The following FMNL2 variants were observed in gnomAD, a reference collection of about 807,000 sequenced individuals.
The protein encoded by FMNL2 is formin like 2.
A neutral mutation model predicts 130.2 loss-of-function variants in FMNL2; 51 were observed. The observed-to-expected ratio is 0.39, with a 90% confidence interval of 0.31 to 0.49. The LOEUF is 0.49. Among genes scored for constraint, FMNL2 ranks in the 20% least tolerant of loss-of-function variants. The pLI is 0.85. For missense variants in FMNL2, 977 were observed against 1,316.2 expected (o/e 0.74, Z 3.99); for synonymous variants, 465 against 467.1 (o/e 1.00, Z 0.06).
intron 1 of FMNL2, among the ~76,000 whole-genome samples, chr2:152,387,911 A>C (rs1406393660): frequency 1.3e-5 from 2 of 151,522 alleles, no homozygotes; most frequent in African/African-American, 2.4e-5. Flanking sequence ...GACTCAACCT[A>C]CCGAAGCACT....
At chr2:152,516,009 GC>G (rs1452970540) in intron 1 of FMNL2, among the ~76,000 whole-genome samples, 16 of 152,074 alleles carry the variant, frequency 1.1e-4, no homozygotes, top group Non-Finnish European at 1.6e-4. Flanking sequence ...TAATTCCAGA[GC>G]CCAACTAGCA....
In FMNL2 at chr2:152,576,832, G is replaced by A. The variant is rs554553393; in HGVS notation, c.705+1588G>A. Among the ~76,000 whole-genome samples, 5 of 152,292 alleles carry A rather than the reference G, an allele frequency of 3.3e-5. No individual in the cohort carries two copies. In the East Asian group the frequency reaches 7.7e-4, roughly 24 times the overall value. The stretch of plus-strand genomic sequence containing the variant: ...ACCCTGAGGCAGGAATGTCTGGTTT[G>A]CCCAAGGCACAGAAAGGAGGCTTGG... On this transcript the variant is annotated intron_variant, in intron 7 of 25. Transcript: ENST00000288670.
At chr2:152,544,969 T>A (rs749332736) in intron 3 of FMNL2, among the ~76,000 whole-genome samples, 3 of 152,206 alleles carry the variant, frequency 2.0e-5, no homozygotes, top group Non-Finnish European at 4.4e-5. Context: ...GGACATAAGA[T>A]GTCTGTTTGG....
At chr2:152,480,634 A>T (rs888456906) in intron 1 of FMNL2, among the ~76,000 whole-genome samples, 2 of 33,508 alleles carry the variant, frequency 6.0e-5, no homozygotes, top group Non-Finnish European at 8.8e-5. Context: ...GACTCTGTCT[A>T]AAAAAAAAAA....
intron 1 of FMNL2, among the ~76,000 whole-genome samples, chr2:152,478,827 C>A (rs900152370): frequency 1.3e-5 from 2 of 151,918 alleles, no homozygotes; most frequent in African/African-American, 4.8e-5. Context: ...TACTAAAAAG[C>A]TTATATGGAT....
Position 152,637,675 on chromosome 2 carries a change from G to A in FMNL2, c.2946+1G>A. Reference sequence around the variant, plus strand: ...TGTCCGGTTTGTGAAAGCATATAAGGTATATGTTAAGGCCCTCCTTGCCCT... The same window carrying A: ...TGTCCGGTTTGTGAAAGCATATAAGATATATGTTAAGGCCCTCCTTGCCCT... On this transcript the variant is annotated splice_donor_variant, in intron 23 of 25. Coordinates refer to ENST00000288670, the MANE Select transcript of FMNL2 (RefSeq NM_052905.4). LOFTEE classifies it high-confidence loss of function. 6.2e-7 allele frequency: 1 copy of A among 1,613,478 alleles called. No individual in the cohort carries two copies. Among genetic ancestry groups the A allele is most frequent in the Non-Finnish European group, 8.5e-7 (1 of 1,179,460 alleles).
chr2:152,578,230 A>G (rs975343902), intron 7 of FMNL2, among the ~76,000 whole-genome samples: 1 of 152,168 alleles, frequency 6.6e-6, no homozygotes, highest in African/African-American at 2.4e-5. Context: ...TTGAGGAGAA[A>G]GAATATAGTT....
chr2:152,572,736 C>T (rs1696243607), intron 6 of FMNL2, among the ~76,000 whole-genome samples: 1 of 151,820 alleles, frequency 6.6e-6, no homozygotes, highest in Admixed American at 6.6e-5. Context: ...AAGTGAGACC[C>T]TTGTCTCCAA....
At chr2:152,357,752 G>A (rs900098610) in intron 1 of FMNL2, among the ~76,000 whole-genome samples, 4 of 152,194 alleles carry the variant, frequency 2.6e-5, no homozygotes, top group Non-Finnish European at 5.9e-5. Context: ...GTATTGATCA[G>A]TTGACAAAAA....
intron 1 of FMNL2, among the ~76,000 whole-genome samples, chr2:152,361,368 G>A (rs1683166092): frequency 6.6e-6 from 1 of 152,110 alleles, no homozygotes; most frequent in Admixed American, 6.5e-5. Context: ...GCCTTTTGGG[G>A]TGTGTGTTCT....
intron 4 of FMNL2, among the ~76,000 whole-genome samples, chr2:152,551,923 C>G (rs1289692219): frequency 3.3e-5 from 5 of 152,158 alleles, no homozygotes; most frequent in Admixed American, 2.6e-4. Flanking sequence ...GCAGAAGGAT[C>G]AATTGAGCCC....
chr2:152,559,047 G>A (rs1695384009), intron 5 of FMNL2, among the ~76,000 whole-genome samples: 1 of 152,156 alleles, frequency 6.6e-6, no homozygotes, highest in African/African-American at 2.4e-5. Context: ...CACTCTTAAA[G>A]GAGCCCTTAT....
intron 1 of FMNL2, among the ~76,000 whole-genome samples, chr2:152,412,706 G>A (rs1051699757): frequency 2.0e-5 from 3 of 151,736 alleles, no homozygotes; most frequent in African/African-American, 7.3e-5. Context: ...TACTTGGGAG[G>A]CTGAGGTGGG....
At chr2:152,526,680 T>C (rs965108292) in intron 2 of FMNL2, among the ~76,000 whole-genome samples, 1 of 152,202 alleles carries the variant, frequency 6.6e-6, no homozygotes, top group African/African-American at 2.4e-5. Context: ...GTTTTTGCGA[T>C]CTGTTTAATT....
intron 1 of FMNL2, among the ~76,000 whole-genome samples, chr2:152,436,772 T>C (rs13427076): frequency 6.6e-6 from 1 of 152,068 alleles, no homozygotes; most frequent in South Asian, 2.1e-4. Flanking sequence ...CTGGTAAATG[T>C]AGTCCTTGGC....
intron 1 of FMNL2, among the ~76,000 whole-genome samples, chr2:152,408,661 C>T (rs1686127416): frequency 6.6e-6 from 1 of 151,992 alleles, no homozygotes; most frequent in Admixed American, 6.6e-5. Flanking sequence ...AATATAGCTA[C>T]CCTATGAAAC....
chr2:152,377,902 T>C (rs1250142601), intron 1 of FMNL2, among the ~76,000 whole-genome samples: 1 of 151,964 alleles, frequency 6.6e-6, no homozygotes, highest in Non-Finnish European at 1.5e-5. Flanking sequence ...GAGGCTGAGG[T>C]AGGCAAATCG....
intron 1 of FMNL2, among the ~76,000 whole-genome samples, chr2:152,434,610 G>T (rs901081469): frequency 4.6e-5 from 7 of 151,878 alleles, no homozygotes; most frequent in Admixed American, 4.6e-4. Flanking sequence ...GTGGTGGCAG[G>T]GTCTTCCCCC....
intron 1 of FMNL2, among the ~76,000 whole-genome samples, chr2:152,485,020 T>C (rs1274046802): frequency 6.6e-6 from 1 of 152,208 alleles, no homozygotes; most frequent in Non-Finnish European, 1.5e-5. Context: ...CATTTGATGC[T>C]TGTTATTTTA....
Sources: gnomAD v4.1 joint callset for allele counts (sites outside exome capture counted in the v4.1 genomes callset) on GRCh38, gnomAD v4.1.1 for gene constraint, MANE v1.5 for transcripts, NCBI Gene and HGNC (gene_info 2026-07-23, HGNC 2026-07-21) for gene names.